IGFBP7: variants seen among roughly 807,000 people sequenced by gnomAD.
IGFBP7 encodes insulin like growth factor binding protein 7.
In IGFBP7, 31 loss-of-function variants were observed where a neutral mutation model predicts 29.4. That is an observed-to-expected ratio of 1.05 (90% CI 0.79 to 1.42). IGFBP7 has a LOEUF of 1.42. Among genes scored for constraint, IGFBP7 ranks in the 40% most tolerant of loss-of-function variants. IGFBP7 has a pLI of 0.00. For missense variants in IGFBP7, 393 were observed against 395.5 expected, an observed-to-expected ratio of 0.99 and a Z score of 0.05; for synonymous variants, 172 against 174.9, an observed-to-expected ratio of 0.98 and a Z score of 0.13.
intron 1 of IGFBP7, among the ~76,000 whole-genome samples, chr4:57,066,477 G>A (rs1475849212): frequency 6.6e-6 from 1 of 152,204 alleles, no homozygotes; most frequent in Non-Finnish European, 1.5e-5. Flanking sequence ...AACTGTGTGA[G>A]ATGGTAAATA....
At chr4:57,034,240 ACT>A (rs1319645562) in intron 2 of IGFBP7, among the ~76,000 whole-genome samples, 3 of 151,932 alleles carry the variant, frequency 2.0e-5, no homozygotes, top group East Asian at 1.9e-4. Context: ...TATTATATAA[ACT>A]CTGGAAAATA....
At chr4:57,044,948 A>T (rs2109748291) in intron 1 of IGFBP7, among the ~76,000 whole-genome samples, 1 of 152,302 alleles carries the variant, frequency 6.6e-6, no homozygotes, top group Admixed American at 6.5e-5. Flanking sequence ...GGGCTCAAGT[A>T]ATCCTCTTAC....
chr4:57,074,114 G>A (rs1458207243), intron 1 of IGFBP7, among the ~76,000 whole-genome samples: 2 of 152,084 alleles, frequency 1.3e-5, no homozygotes, highest in African/African-American at 2.4e-5. Context: ...AGGCTGGAGT[G>A]CAGTGGAGCA....
intron 2 of IGFBP7, among the ~76,000 whole-genome samples, chr4:57,036,644 A>T (rs1388654582): frequency 1.3e-5 from 2 of 152,168 alleles, no homozygotes; most frequent in Non-Finnish European, 2.9e-5. Context: ...GGGGCTTGTT[A>T]AAGCCAGCTT....
intron 3 of IGFBP7, 125 bp from the exon 4 acceptor site, chr4:57,032,677 A>T: frequency 2.5e-6 from 2 of 784,852 alleles, no homozygotes; most frequent in Non-Finnish European, 4.5e-6. Flanking sequence ...AGGTACTGCT[A>T]GAAGCAGTGC....
At chr4:57,061,336 T>C (rs1724795003) in intron 1 of IGFBP7, among the ~76,000 whole-genome samples, 1 of 152,204 alleles carries the variant, frequency 6.6e-6, no homozygotes, top group South Asian at 2.1e-4. Context: ...TATATATACA[T>C]ACCTCTGATA....
chr4:57,043,029 G>C (rs1029559043), intron 1 of IGFBP7, among the ~76,000 whole-genome samples: 22 of 152,178 alleles, frequency 1.4e-4, no homozygotes, highest in Non-Finnish European at 2.9e-4. Context: ...CCGAGAGAGC[G>C]GGTGCTTGCT....
intron 1 of IGFBP7, among the ~76,000 whole-genome samples, chr4:57,099,716 GAA>G: frequency 6.6e-6 from 1 of 152,150 alleles, no homozygotes; most frequent in Non-Finnish European, 1.5e-5. Flanking sequence ...GATTGCAACT[GAA>G]AGGTTGGGCT....
chr4:57,087,081 C>G (rs1725516646), intron 1 of IGFBP7, among the ~76,000 whole-genome samples: 1 of 152,202 alleles, frequency 6.6e-6, no homozygotes, highest in South Asian at 2.1e-4. Flanking sequence ...GACCGACACA[C>G]TGTTGCTGCT....
intron 1 of IGFBP7, among the ~76,000 whole-genome samples, chr4:57,063,857 G>A (rs1028676536): frequency 3.9e-5 from 6 of 152,122 alleles, no homozygotes; most frequent in East Asian, 1.9e-4. Flanking sequence ...AACATAGATC[G>A]TAAGTTAAAT....
At position 57,084,788 on chromosome 4, in the gene IGFBP7, G is replaced by GTTTTTT. The variant is rs57704332; in HGVS notation, c.475+25083_475+25088dup. Among the ~76,000 whole-genome samples, 57 of 113,090 alleles carry GTTTTTT rather than the reference G, an allele frequency of 5.0e-4. 7 individuals are homozygous for GTTTTTT. The highest frequency in any genetic ancestry group is 1.2e-3 in the South Asian group (4 of 3,414). 74.2% of individuals were successfully genotyped at this position (113,090 alleles called of 152,430 possible). ...CTTTTTACTCAGATGTTTAAAAAAG[G>GTTTTTT]TTTTTTTTTTTTTTTTTTTTGGGAC... On this transcript the variant is annotated intron_variant, in intron 1 of 4. Transcript: ENST00000295666.
chr4:57,094,294 C>T (rs1157259428), intron 1 of IGFBP7, among the ~76,000 whole-genome samples: 2 of 152,174 alleles, frequency 1.3e-5, no homozygotes, highest in African/African-American at 4.8e-5. Flanking sequence ...AAGATGGGTG[C>T]ACTCCACAGA....
intron 1 of IGFBP7, among the ~76,000 whole-genome samples, chr4:57,060,214 A>C (rs1319090273): frequency 1.3e-5 from 2 of 152,216 alleles, no homozygotes; most frequent in Non-Finnish European, 1.5e-5. Flanking sequence ...CAGACAAATG[A>C]GGTCTGGCTG....
At chr4:57,048,764 C>T (rs1724428660) in intron 1 of IGFBP7, among the ~76,000 whole-genome samples, 1 of 152,112 alleles carries the variant, frequency 6.6e-6, no homozygotes, top group Admixed American at 6.6e-5. Flanking sequence ...CCAGCCATGA[C>T]CTGAGATGTC....
chr4:57,040,344 T>A (rs532735616), intron 2 of IGFBP7, among the ~76,000 whole-genome samples: 2 of 152,140 alleles, frequency 1.3e-5, no homozygotes, highest in East Asian at 3.9e-4. Flanking sequence ...GCAGACAGGA[T>A]CTAAATTATC....
intron 2 of IGFBP7, among the ~76,000 whole-genome samples, chr4:57,035,859 T>C (rs1724072576): frequency 6.6e-6 from 1 of 152,240 alleles, no homozygotes; most frequent in South Asian, 2.1e-4. Flanking sequence ...CACTTCTCCA[T>C]TTCTGGTGGG....
At chr4:57,088,677 A>G (rs529227245) in intron 1 of IGFBP7, among the ~76,000 whole-genome samples, 4 of 152,164 alleles carry the variant, frequency 2.6e-5, no homozygotes, top group African/African-American at 9.6e-5. Flanking sequence ...ACTCTCACCA[A>G]CCCTTTGGGT....
intron 1 of IGFBP7, among the ~76,000 whole-genome samples, chr4:57,098,151 G>A (rs1725805868): frequency 6.6e-6 from 1 of 152,160 alleles, no homozygotes; most frequent in African/African-American, 2.4e-5. Context: ...CCAAGTTTTT[G>A]CTTATTCGCT....
rs778512491 is a variant in IGFBP7, at chr4:57,092,801, C to T, written c.475+17076G>A. Among the ~76,000 whole-genome samples the T allele has an allele frequency of 8.1e-4, 122 of 150,528 alleles. 1 individual carries two copies. Among genetic ancestry groups the T allele is most frequent in the Non-Finnish European group, 1.4e-3 (93 of 67,620 alleles). On this transcript the variant is annotated intron_variant, in intron 1 of 4. Coordinates refer to ENST00000295666, the MANE Select transcript of IGFBP7 (RefSeq NM_001553.3). The stretch of plus-strand genomic sequence containing the variant: ...TAAAAGGTTATTTATGACAGAAAAA[C>T]GAGTAAATTATGGTTCATTCAAATT...
Sources: allele counts gnomAD v4.1 joint callset (sites outside exome capture counted in the v4.1 genomes callset), GRCh38; gene constraint gnomAD v4.1.1; transcripts MANE v1.5; gene names NCBI Gene and HGNC (gene_info 2026-07-23, HGNC 2026-07-21).